The following RNF185 variants were observed in gnomAD, a reference collection of about 807,000 sequenced individuals.
The protein encoded by RNF185 is ring finger protein 185.
In RNF185, 13 loss-of-function variants were observed where a neutral mutation model predicts 24.9. The ratio of observed to expected loss-of-function variants is 0.52; its 90% CI spans 0.34 to 0.83. The LOEUF is 0.83. RNF185 is among the 40% of genes least tolerant of loss of function. RNF185 has a pLI of 0.01. For synonymous variants in RNF185, 79 were observed against 90.3 expected (o/e 0.88, Z 0.71); for missense variants, 184 against 244.7 (o/e 0.75, Z 1.65).
At chr22:31,185,159 C>A (rs1036012116) in intron 1 of RNF185, among the ~76,000 whole-genome samples, 1 of 151,938 alleles carries the variant, frequency 6.6e-6, no homozygotes, top group African/African-American at 2.4e-5. Context: ...GGAGCCGAGG[C>A]CAGCGCACGA....
At chr22:31,164,301 T>A (rs559965301) in intron 1 of RNF185, among the ~76,000 whole-genome samples, 1 of 152,328 alleles carries the variant, frequency 6.6e-6, no homozygotes, top group African/African-American at 2.4e-5. Context: ...GAAATAATTT[T>A]ACTCTTATAC....
In RNF185 at chr22:31,189,280, C is replaced by CTTTTTTTTTTTTT. The variant is rs1050842065; in HGVS notation, c.176+2025_176+2037dup. On this transcript the variant is annotated intron_variant, in intron 2 of 6. Transcript: ENST00000326132. The stretch of plus-strand genomic sequence containing the variant: ...ATTTAAATGTACAGCTGTTGTATAT[C>CTTTTTTTTTTTTT]TTTTTTTTTTTTTTTTTTTTTTTTT... Among the ~76,000 whole-genome samples the CTTTTTTTTTTTTT allele has an allele frequency of 3.6e-4, 22 of 61,518 alleles. 6 individuals carry two copies. Among genetic ancestry groups the CTTTTTTTTTTTTT allele is most frequent in the East Asian group, 2.3e-3 (4 of 1,716 alleles). 40.4% of individuals were successfully genotyped at this position (61,518 alleles called of 152,430 possible).
chr22:31,197,026 G>T, intron 5 of RNF185, 36 bp downstream of exon 5: 1 of 1,612,784 alleles, frequency 6.2e-7, no homozygotes. Context: ...CTACAAATGA[G>T]CTGATGGCTT....
intron 3 of RNF185, among the ~76,000 whole-genome samples, chr22:31,193,325 C>T (rs528721047): frequency 2.0e-5 from 3 of 152,284 alleles, no homozygotes; most frequent in Admixed American, 2.0e-4. Flanking sequence ...GGGAACAGGG[C>T]TGCACATTCT....
chr22:31,162,412 A>G (rs1923635033), intron 1 of RNF185, among the ~76,000 whole-genome samples: 1 of 152,174 alleles, frequency 6.6e-6, no homozygotes, highest in African/African-American at 2.4e-5. Flanking sequence ...TATGTTCTTC[A>G]GGCCACTGGT....
chr22:31,184,120 C>T (rs532740806), intron 1 of RNF185, among the ~76,000 whole-genome samples: 19 of 150,656 alleles, frequency 1.3e-4, no homozygotes, highest in Admixed American at 9.9e-4. Flanking sequence ...ACCTCCTGGA[C>T]GGGGCAGCTG....
intron 1 of RNF185, among the ~76,000 whole-genome samples, chr22:31,182,092 A>C (rs544403829): frequency 6.7e-6 from 1 of 150,104 alleles, no homozygotes; most frequent in East Asian, 1.9e-4. Flanking sequence ...TATACCCAAC[A>C]AAATTAACAG....
chr22:31,195,579 C>T lies in RNF185; in HGVS notation c.306C>T (p.Pro102=). Residue 102 remains proline (P), a splice_region_variant and synonymous_variant, in exon 4 of 7, where the codon CCC becomes CCT. Transcript: ENST00000326132. ...GGGGCAGCACTGGGCAACAGGACCC[C>T]AGGTGAGGACTCAGGATGCCTCTCC... The part of the protein sequence containing the change: ...YGRGSTGQQD[P]REKTPPRPQG... 6.3e-7 allele frequency: 1 copy of T among 1,597,106 alleles called. No homozygotes were observed. Among genetic ancestry groups the T allele is most frequent in the Non-Finnish European group, 8.5e-7 (1 of 1,170,078 alleles).
Position 31,206,064 on chromosome 22 carries a change from C to T in RNF185, c.*1478C>T, listed in dbSNP as rs1278455111. 6.5e-6 allele frequency: 1 copy of T among 154,794 alleles called. No individual in the cohort carries two copies. Among genetic ancestry groups the T allele is most frequent in the Non-Finnish European group, 1.5e-5 (1 of 68,234 alleles). The allele number at this position is 154,794 out of a possible 1,614,324, so 9.6% of individuals were successfully genotyped here. On this transcript the variant is annotated 3_prime_UTR_variant, in exon 7 of 7. Coordinates refer to ENST00000326132, the MANE Select transcript of RNF185 (RefSeq NM_152267.4). ...CTGGGCCTCTCTCCTACTTTGCCAT[C>T]CACACTGCTCCTGGCTAACCCCAGC...
chr22:31,199,041 A>G (rs2048236620), intron 5 of RNF185, among the ~76,000 whole-genome samples: 1 of 151,038 alleles, frequency 6.6e-6, no homozygotes, highest in Non-Finnish European at 1.5e-5. Context: ...CAGAGGTTGC[A>G]GTGAGCTGAG....
chr22:31,177,951 G>C (rs567527437), intron 1 of RNF185, among the ~76,000 whole-genome samples: 3 of 152,108 alleles, frequency 2.0e-5, no homozygotes, highest in African/African-American at 4.8e-5. Flanking sequence ...TTCAACTCTC[G>C]TGTTCTCTTT....
At chr22:31,198,006 T>TA (rs1355891098) in intron 5 of RNF185, among the ~76,000 whole-genome samples, 3 of 152,188 alleles carry the variant, frequency 2.0e-5, no homozygotes, top group South Asian at 4.1e-4. Flanking sequence ...ATGTTACTCT[T>TA]AAAAAAATTC....
Position 31,196,953 on chromosome 22 carries a change from G to A in RNF185, c.326G>A (p.Arg109His), listed in dbSNP as rs1231315538. Reference sequence around the variant, plus strand: ...TGTTTCAGAGAGAAGACCCCTCCTCGTCCTCAAGGACAGAGGCCAGAGCCG... The same window carrying A: ...TGTTTCAGAGAGAAGACCCCTCCTCATCCTCAAGGACAGAGGCCAGAGCCG... Reference protein sequence around the residue: ...QQDPREKTPPRPQGQRPEPEN... With the variant: ...QQDPREKTPPHPQGQRPEPEN... The change falls in exon 5 of 7, where the codon CGT (arginine) becomes CAT (histidine). Residue 109 changes from arginine (R) to histidine (H), a missense_variant. By Grantham distance (29) the Arg-to-His change is conservative (BLOSUM62 0). Transcript: ENST00000326132. 10 of 1,612,184 alleles carry A rather than the reference G, an allele frequency of 6.2e-6. No homozygotes were observed. Among genetic ancestry groups the A allele is most frequent in the Admixed American group, 1.7e-5 (1 of 59,362 alleles).
chr22:31,198,393 AC>A (rs1174400085), intron 5 of RNF185, among the ~76,000 whole-genome samples: 3 of 108,622 alleles, frequency 2.8e-5, no homozygotes, highest in African/African-American at 7.4e-5. Context: ...ATCTTTGCAC[AC>A]TTTTTTTTTT....
chr22:31,177,937 G>A (rs1181395606), intron 1 of RNF185, among the ~76,000 whole-genome samples: 1 of 152,142 alleles, frequency 6.6e-6, no homozygotes, highest in Non-Finnish European at 1.5e-5. Flanking sequence ...TTCCTGCAGG[G>A]ATATTCAACT....
At chr22:31,193,087 A>G (rs1309045677) in intron 3 of RNF185, among the ~76,000 whole-genome samples, 1 of 152,244 alleles carries the variant, frequency 6.6e-6, no homozygotes, top group Non-Finnish European at 1.5e-5. Context: ...GGTGTCAACA[A>G]AGAGCTTTTG....
At chr22:31,188,378 G>GT (rs1299979397) in intron 2 of RNF185, among the ~76,000 whole-genome samples, 1 of 152,140 alleles carries the variant, frequency 6.6e-6, no homozygotes, top group African/African-American at 2.4e-5. Flanking sequence ...TGTAAAAGCT[G>GT]TTGTGATCCA....
intron 1 of RNF185, among the ~76,000 whole-genome samples, chr22:31,174,469 T>A (rs977756324): frequency 2.0e-5 from 3 of 152,132 alleles, no homozygotes; most frequent in African/African-American, 7.2e-5. Flanking sequence ...AGCCTTGAGC[T>A]CCTGGGCTCA....
intron 1 of RNF185, among the ~76,000 whole-genome samples, chr22:31,180,210 C>A (rs1220123006): frequency 6.6e-6 from 1 of 152,088 alleles, no homozygotes; most frequent in Admixed American, 6.6e-5. Flanking sequence ...CACGTGTAAT[C>A]CCAGCACTTT....
Sources: allele counts gnomAD v4.1 joint callset (sites outside exome capture counted in the v4.1 genomes callset), GRCh38; gene constraint gnomAD v4.1.1; transcripts MANE v1.5; gene names NCBI Gene and HGNC (gene_info 2026-07-23, HGNC 2026-07-21).